Variants in CACNA1A observed in about 807,000 individuals in gnomAD.
CACNA1A encodes the protein calcium voltage-gated channel subunit alpha1 A, also known as voltage-dependent P/Q-type calcium channel subunit alpha-1A.
CACNA1A carries 57 observed loss-of-function variants against 262.4 expected under a neutral mutation model. The ratio of observed to expected loss-of-function variants is 0.22; its 90% CI spans 0.18 to 0.27. The LOEUF (loss-of-function observed/expected upper bound fraction) is 0.27. Ranked by LOEUF, CACNA1A falls within the 10% of genes least tolerant of loss-of-function variation. The pLI, the probability that CACNA1A is intolerant of heterozygous loss-of-function variation, is 1.00. For missense variants in CACNA1A, 2,526 were observed against 3,562.8 expected (o/e 0.71, Z 7.41); for synonymous variants, 1,431 against 1,419.3 (o/e 1.01, Z -0.18).
intron 6 of CACNA1A, among the ~76,000 whole-genome samples, chr19:13,358,772 T>TAAATAAACTAAATA (rs1466031904): frequency 2.0e-5 from 3 of 152,042 alleles, no homozygotes; most frequent in African/African-American, 7.2e-5. Flanking sequence ...ATTGAAAAGG[T>TAAATAAACTAAATA]AACTAAATAA....
At chr19:13,449,878 C>T (rs8102852) in intron 3 of CACNA1A, among the ~76,000 whole-genome samples, 1,623 of 152,218 alleles carry the variant, frequency 0.011, 25 homozygotes, top group African/African-American at 0.036. Flanking sequence ...CAGTGGCTTA[C>T]GCCTGTAATC....
At chr19:13,472,297 T>C (rs189109428) in intron 1 of CACNA1A, among the ~76,000 whole-genome samples, 158 of 151,990 alleles carry the variant, frequency 1.0e-3, no homozygotes, top group Non-Finnish European at 1.5e-3. Flanking sequence ...GGTAGATAGA[T>C]ATGTATATAT....
rs190672245 is a variant in CACNA1A at position 13,346,348 on chromosome 19, C to G, written c.979-10439G>C. Among the ~76,000 whole-genome samples the G allele has an allele frequency of 2.0e-5, 3 of 151,992 alleles. No homozygotes were observed. The East Asian group carries it at 5.8e-4, about 29-fold the overall frequency. ...CCTTTGCACTGGCTGTTCCATCTAC[C>G]TCGGCTGCTGTTCCCTGAGATATCT... On this transcript the variant is annotated intron_variant, in intron 6 of 46. Coordinates refer to ENST00000360228, the MANE Select transcript of CACNA1A (RefSeq NM_001127222.2).
intron 1 of CACNA1A, among the ~76,000 whole-genome samples, chr19:13,456,426 A>C (rs1311604217): frequency 6.6e-6 from 1 of 152,168 alleles, no homozygotes; most frequent in Non-Finnish European, 1.5e-5. Context: ...TAATCCCAGA[A>C]CTTTGGGAGG....
intron 1 of CACNA1A, among the ~76,000 whole-genome samples, chr19:13,467,977 T>TGC (rs2061284502): frequency 6.7e-6 from 1 of 148,696 alleles, no homozygotes; most frequent in South Asian, 2.1e-4. Flanking sequence ...AGTGAGTGTG[T>TGC]GTGTGTGTGT....
chr19:13,406,544 C>A (rs2060014714), intron 3 of CACNA1A, among the ~76,000 whole-genome samples: 1 of 126,936 alleles, frequency 7.9e-6, no homozygotes, highest in Admixed American at 9.1e-5. Flanking sequence ...ATTAGTGGAA[C>A]AGCTTCAATT....
intron 10 of CACNA1A, among the ~76,000 whole-genome samples, chr19:13,320,071 C>G (rs1345527141): frequency 6.6e-6 from 1 of 152,158 alleles, no homozygotes; most frequent in African/African-American, 2.4e-5. Context: ...TCATGTCCAT[C>G]ACCTTCTCAA....
chr19:13,294,487 CTTT>C lies in CACNA1A; in HGVS notation c.3089+4054_3089+4056del, dbSNP rs780908964. Among the ~76,000 whole-genome samples the C allele has an allele frequency of 1.4e-4, 10 of 72,526 alleles. 1 individual carries two copies. In the East Asian group the frequency reaches 1.5e-3, roughly 11 times the overall value. 47.6% of individuals were successfully genotyped at this position (72,526 alleles called of 152,430 possible). ...TACAGGTGCATACCACTGTACCTGGCTTTTTTTTTTTTTTTTTTTTTTTGAGAC... is the reference window on the plus strand; with the variant it reads ...TACAGGTGCATACCACTGTACCTGGCTTTTTTTTTTTTTTTTTTTTGAGAC... On this transcript the variant is annotated intron_variant, in intron 19 of 46. Transcript: ENST00000360228.
At chr19:13,464,039 T>A (rs1464623734) in intron 1 of CACNA1A, among the ~76,000 whole-genome samples, 1 of 152,170 alleles carries the variant, frequency 6.6e-6, no homozygotes. Flanking sequence ...ATATAGTAAG[T>A]GCTCAAGGAA....
intron 6 of CACNA1A, among the ~76,000 whole-genome samples, chr19:13,358,731 T>C (rs2059050697): frequency 6.6e-6 from 1 of 152,018 alleles, no homozygotes; most frequent in Admixed American, 6.6e-5. Flanking sequence ...AGGGCAAGAG[T>C]ACAAAAGCAG....
At chr19:13,306,059 CAAAA>C (rs34439709) in intron 15 of CACNA1A, among the ~76,000 whole-genome samples, 10 of 139,874 alleles carry the variant, frequency 7.1e-5, no homozygotes, top group East Asian at 4.1e-4. Context: ...GACTCCATCT[CAAAA>C]AAAAAAAAAA....
At chr19:13,314,900 C>A (rs908416630) in intron 11 of CACNA1A, among the ~76,000 whole-genome samples, 1 of 152,270 alleles carries the variant, frequency 6.6e-6, no homozygotes. Flanking sequence ...CAGAGGAAGT[C>A]TGTTTGTAAC....
rs2144481535 is a variant in CACNA1A, at chr19:13,206,442, T to TTTGA, written c.*867_*870dup. ...AAAGACCACTCCTATCCAAAAGCCCTTTGATTCAACTTTTTTTTATTTTTT... is the reference window on the plus strand; with the variant it reads ...AAAGACCACTCCTATCCAAAAGCCCTTTGATTGATTCAACTTTTTTTTATTTTTT... On this transcript the variant is annotated 3_prime_UTR_variant, in exon 47 of 47. Transcript: ENST00000360228. 1 of 152,330 alleles carries TTTGA rather than the reference T, an allele frequency of 6.6e-6. No homozygotes were observed. Among genetic ancestry groups the TTTGA allele is most frequent in the East Asian group, 1.9e-4 (1 of 5,190 alleles). 9.4% of individuals were successfully genotyped at this position (152,330 alleles called of 1,614,324 possible). A position where few individuals can be genotyped will look rare whatever the true frequency, so the allele number is the denominator to read the frequency against.
chr19:13,247,182 G>C (rs146068177), intron 30 of CACNA1A, among the ~76,000 whole-genome samples: 1 of 152,202 alleles, frequency 6.6e-6, no homozygotes, highest in East Asian at 1.9e-4. Flanking sequence ...GGGTTGGGGC[G>C]GTCAGTGTGA....
At chr19:13,436,035 C>G (rs376415949) in intron 3 of CACNA1A, among the ~76,000 whole-genome samples, 1 of 152,048 alleles carries the variant, frequency 6.6e-6, no homozygotes, top group East Asian at 1.9e-4. Flanking sequence ...ATGTTGGCTA[C>G]GCTGGTCTTG....
chr19:13,334,586 T>G (rs2058528079), intron 7 of CACNA1A, 93 bp from the exon 8 acceptor site: 2 of 649,132 alleles, frequency 3.1e-6, no homozygotes, highest in Admixed American at 2.3e-5. Flanking sequence ...TGTGTGTGTG[T>G]GTGTGTTTGT....
Position 13,227,547 on chromosome 19 carries a change from A to AAAAAAC in CACNA1A, c.5529-26_5529-21dup, listed in dbSNP as rs754077643. ...CGGCCCCTGGCAGCACCGAAAATGA[A>AAAAAAC]AAAAACAAAAACAAAAACAAAAAAA... On this transcript the variant is annotated intron_variant, in intron 36 of 46. Transcript: ENST00000360228. 1.3e-5 allele frequency: 20 copies of AAAAAAC among 1,496,716 alleles called. No individual in the cohort carries two copies. The highest frequency in any genetic ancestry group is 1.2e-4 in the South Asian group (10 of 81,338). The allele number at this position is 1,496,716 out of a possible 1,614,324, so 92.7% of individuals were successfully genotyped here.
chr19:13,418,435 C>T (rs1003197309), intron 3 of CACNA1A, among the ~76,000 whole-genome samples: 2 of 152,036 alleles, frequency 1.3e-5, no homozygotes, highest in South Asian at 4.2e-4. Flanking sequence ...TGTCCTAATC[C>T]CTGGAATGCT....
At chr19:13,281,912 C>T (rs552377349) in intron 22 of CACNA1A, among the ~76,000 whole-genome samples, 2 of 152,318 alleles carry the variant, frequency 1.3e-5, no homozygotes, top group Non-Finnish European at 2.9e-5. Context: ...TGCCGTGCCC[C>T]CTGGATCATC....
Sources: gnomAD v4.1 joint callset for allele counts (sites outside exome capture counted in the v4.1 genomes callset) on GRCh38, gnomAD v4.1.1 for gene constraint, MANE v1.5 for transcripts, NCBI Gene and HGNC (gene_info 2026-07-23, HGNC 2026-07-21) for gene names.